Variants in ITIH2 observed in about 807,000 individuals in gnomAD.
ITIH2 encodes inter-alpha-trypsin inhibitor heavy chain 2.
In ITIH2, 103 loss-of-function variants were observed where a neutral mutation model predicts 104.4. That is an observed-to-expected ratio of 0.99 (90% CI 0.84 to 1.16). The LOEUF (loss-of-function observed/expected upper bound fraction) is 1.16. Among genes scored for constraint, ITIH2 ranks in the 50% most tolerant of loss-of-function variants. The pLI is 0.00. For synonymous variants in ITIH2, 436 were observed against 435.4 expected (o/e 1.00, Z -0.02); for missense variants, 1,108 against 1,162.4 (o/e 0.95, Z 0.68).
intron 4 of ITIH2, among the ~76,000 whole-genome samples, chr10:7,710,593 G>C (rs1406844336): frequency 1.3e-5 from 2 of 152,106 alleles, no homozygotes; most frequent in Non-Finnish European, 2.9e-5. Flanking sequence ...ATACACCAAG[G>C]TAATCAGTGA....
At chr10:7,720,753 C>T (rs41290283) in intron 6 of ITIH2, 103 bp from the exon 7 acceptor site, 8 of 687,794 alleles carry the variant, frequency 1.2e-5, no homozygotes, top group African/African-American at 3.6e-5. Context: ...GGGAAACCTG[C>T]GGAGGAGAAA....
chr10:7,745,431 A>G (rs1835167007), intron 19 of ITIH2, among the ~76,000 whole-genome samples: 1 of 152,030 alleles, frequency 6.6e-6, no homozygotes, highest in African/African-American at 2.4e-5. Flanking sequence ...CGATTTACTT[A>G]CAATCCACTA....
At chr10:7,740,511 T>C (rs1835114307) in intron 16 of ITIH2, among the ~76,000 whole-genome samples, 1 of 152,236 alleles carries the variant, frequency 6.6e-6, no homozygotes, top group African/African-American at 2.4e-5. Flanking sequence ...GACACTACCA[T>C]GACGCCCAGG....
chr10:7,749,044 T>C, intron 20 of ITIH2, 143 bp from the exon 21 acceptor site: 1 of 765,972 alleles, frequency 1.3e-6, no homozygotes, highest in South Asian at 2.0e-5. Context: ...GTGTTTCTTT[T>C]TCACATGACT....
chr10:7,704,081 T>C (rs1178027462), intron 1 of ITIH2, among the ~76,000 whole-genome samples: 1 of 152,226 alleles, frequency 6.6e-6, no homozygotes, highest in African/African-American at 2.4e-5. Context: ...ATAATTCCCA[T>C]GGAGTACAGG....
chr10:7,714,296 A>C (rs912575799), intron 5 of ITIH2, among the ~76,000 whole-genome samples: 3 of 148,878 alleles, frequency 2.0e-5, no homozygotes, highest in Non-Finnish European at 3.0e-5. Flanking sequence ...CTCAGCCTCC[A>C]GAGTAGCTGG....
At chr10:7,732,541 T>C (rs1333233400) in intron 14 of ITIH2, 64 bp downstream of exon 14, 5 of 1,555,842 alleles carry the variant, frequency 3.2e-6, no homozygotes, top group East Asian at 4.5e-5. Flanking sequence ...CGTGAATATA[T>C]GAAGTCATAC....
intron 15 of ITIH2, 45 bp from the exon 16 acceptor site, chr10:7,738,576 G>C (rs750609682): frequency 1.2e-6 from 2 of 1,608,458 alleles, no homozygotes; most frequent in East Asian, 4.5e-5. Flanking sequence ...AATTTCCGTG[G>C]AAACGTAAAT....
intron 20 of ITIH2, among the ~76,000 whole-genome samples, chr10:7,747,904 A>C (rs578040878): frequency 6.6e-6 from 1 of 151,150 alleles, no homozygotes; most frequent in South Asian, 2.1e-4. Flanking sequence ...TCTCATAAAT[A>C]AATACATAAT....
At chr10:7,742,179 T>C (rs1835130433) in intron 16 of ITIH2, among the ~76,000 whole-genome samples, 1 of 151,426 alleles carries the variant, frequency 6.6e-6, no homozygotes, top group South Asian at 2.1e-4. Context: ...ATTTAGTGAT[T>C]GCACATAGAT....
At chr10:7,737,426 T>C (rs772325363) in intron 15 of ITIH2, among the ~76,000 whole-genome samples, 117 of 131,076 alleles carry the variant, frequency 8.9e-4, no homozygotes, top group African/African-American at 2.9e-3. Flanking sequence ...TATATATATA[T>C]ACACGTGTAT....
intron 6 of ITIH2, among the ~76,000 whole-genome samples, chr10:7,720,294 T>C (rs986451638): frequency 6.6e-6 from 1 of 152,180 alleles, no homozygotes; most frequent in Admixed American, 6.5e-5. Context: ...TATACAGATT[T>C]TTCAAAATAA....
chr10:7,746,793 C>T (rs1477374258), intron 20 of ITIH2, 89 bp downstream of exon 20: 4 of 766,398 alleles, frequency 5.2e-6, no homozygotes, highest in Non-Finnish European at 9.2e-6. Flanking sequence ...GAAGAAGTGT[C>T]GTAGGCACTA....
At chr10:7,720,424 C>T (rs1156481088) in intron 6 of ITIH2, among the ~76,000 whole-genome samples, 3 of 152,058 alleles carry the variant, frequency 2.0e-5, no homozygotes, top group Non-Finnish European at 4.4e-5. Context: ...GAGGTCTGTT[C>T]AAAGCAAGAA....
chr10:7,721,045 G>C, intron 7 of ITIH2, 82 bp downstream of exon 7: 1 of 899,110 alleles, frequency 1.1e-6, no homozygotes, highest in South Asian at 1.4e-5. Flanking sequence ...CTCTGGAGAA[G>C]AGAAAAGCAG....
At chr10:7,712,068 C>T (rs922580310) in intron 4 of ITIH2, among the ~76,000 whole-genome samples, 1 of 152,166 alleles carries the variant, frequency 6.6e-6, no homozygotes, top group Admixed American at 6.5e-5. Context: ...AGCACCTTCC[C>T]CCTTTTTCTT....
At chr10:7,748,369 C>A (rs1822946073) in intron 20 of ITIH2, among the ~76,000 whole-genome samples, 2 of 149,486 alleles carry the variant, frequency 1.3e-5, no homozygotes, top group African/African-American at 4.9e-5. Context: ...CACAGTGATA[C>A]TTTTAAGTCT....
chr10:7,718,691 C>T (rs1834874213), intron 6 of ITIH2, among the ~76,000 whole-genome samples: 1 of 152,144 alleles, frequency 6.6e-6, no homozygotes, highest in South Asian at 2.1e-4. Flanking sequence ...CCCTCACCCT[C>T]GAGTAGGCCC....
At position 7,709,061 on chromosome 10, in the gene ITIH2, C is replaced by A; in HGVS notation, c.232C>A (p.Gln78Lys). The A allele has an allele frequency of 6.2e-7, 1 of 1,613,968 alleles. No homozygotes were observed. Among genetic ancestry groups the A allele is most frequent in the South Asian group, 1.1e-5 (1 of 91,070 alleles). ...DQVTLYSYKV[Q>K]STITSRMATT... Reference sequence around the variant, plus strand: ...AGTAACTCTTTATAGCTATAAAGTCCAGTCTACTATTACTTCTCGGATGGC... The same window carrying A: ...AGTAACTCTTTATAGCTATAAAGTCAAGTCTACTATTACTTCTCGGATGGC... The change falls in exon 4 of 21, where the codon CAG becomes AAG. Residue 78 changes from glutamine to lysine, a missense_variant. Transcript: ENST00000358415.
Sources: gnomAD v4.1 joint callset for allele counts (sites outside exome capture counted in the v4.1 genomes callset) on GRCh38, gnomAD v4.1.1 for gene constraint, MANE v1.5 for transcripts, NCBI Gene and HGNC (gene_info 2026-07-23, HGNC 2026-07-21) for gene names.